CCSER1: variants seen among roughly 807,000 people sequenced by gnomAD.
CCSER1 encodes the protein coiled-coil serine rich protein 1.
CCSER1 carries 41 observed loss-of-function variants against 82.0 expected under a neutral mutation model. The observed-to-expected ratio is 0.50, with a 90% CI of 0.39 to 0.65. CCSER1 has a LOEUF of 0.65. Among genes scored for constraint, CCSER1 ranks in the 30% least tolerant of loss-of-function variants. The pLI is 0.00. For missense variants in CCSER1, 1,119 were observed against 1,064.2 expected (o/e 1.05, Z -0.72); for synonymous variants, 414 against 383.9 (o/e 1.08, Z -0.92).
At chr4:91,504,884 C>T (rs563927769) in intron 10 of CCSER1, among the ~76,000 whole-genome samples, 2 of 152,166 alleles carry the variant, frequency 1.3e-5, no homozygotes, top group South Asian at 4.1e-4. Context: ...TGATTTTTGA[C>T]ATTTATTTCC....
chr4:91,548,677 C>A (rs1762009200), intron 10 of CCSER1, among the ~76,000 whole-genome samples: 1 of 151,238 alleles, frequency 6.6e-6, no homozygotes, highest in South Asian at 2.1e-4. Flanking sequence ...ATATTCTATT[C>A]AACTCTCTTC....
At chr4:90,861,136 G>T (rs112212661) in intron 8 of CCSER1, among the ~76,000 whole-genome samples, 2,577 of 151,738 alleles carry the variant, frequency 0.017, 51 homozygotes, top group African/African-American at 0.054. Flanking sequence ...AATGCACAGG[G>T]ATATATTTTA....
chr4:90,351,254 G>A (rs183760953), intron 3 of CCSER1, among the ~76,000 whole-genome samples: 2 of 152,250 alleles, frequency 1.3e-5, no homozygotes, highest in East Asian at 3.9e-4. Flanking sequence ...GATAGTAAGG[G>A]TGACATTTCT....
chr4:90,731,157 AT>A (rs2149402898), intron 7 of CCSER1, among the ~76,000 whole-genome samples: 1 of 152,288 alleles, frequency 6.6e-6, no homozygotes, highest in East Asian at 1.9e-4. Flanking sequence ...GGTCAGCAGG[AT>A]TTGTTAATAT....
intron 10 of CCSER1, among the ~76,000 whole-genome samples, chr4:91,259,490 A>T (rs935604891): frequency 6.6e-6 from 1 of 152,072 alleles, no homozygotes; most frequent in African/African-American, 2.4e-5. Flanking sequence ...TGTGCAGAAC[A>T]TGCAGGTTTG....
At chr4:91,014,114 A>C (rs183617478) in intron 9 of CCSER1, among the ~76,000 whole-genome samples, 1 of 133,388 alleles carries the variant, frequency 7.5e-6, no homozygotes, top group Admixed American at 7.5e-5. Flanking sequence ...GATTTTTAGG[A>C]AAAATATTCT....
intron 10 of CCSER1, among the ~76,000 whole-genome samples, chr4:91,378,025 G>C (rs561165590): frequency 6.6e-6 from 1 of 152,202 alleles, no homozygotes; most frequent in African/African-American, 2.4e-5. Context: ...CCCATTTCTT[G>C]TTTTTGTCAG....
At chr4:91,020,440 A>G (rs1166255203) in intron 9 of CCSER1, among the ~76,000 whole-genome samples, 2 of 152,168 alleles carry the variant, frequency 1.3e-5, no homozygotes, top group Non-Finnish European at 2.9e-5. Context: ...AGGCGGGTGG[A>G]TCACGAGGTC....
At chr4:90,514,878 T>G (rs1304919813) in intron 5 of CCSER1, among the ~76,000 whole-genome samples, 1 of 152,020 alleles carries the variant, frequency 6.6e-6, no homozygotes, top group Non-Finnish European at 1.5e-5. Context: ...AATTACTTTT[T>G]TTTTTTTTGA....
chr4:91,343,444 A>G (rs1182608263), intron 10 of CCSER1, among the ~76,000 whole-genome samples: 1 of 152,116 alleles, frequency 6.6e-6, no homozygotes, highest in African/African-American at 2.4e-5. Flanking sequence ...GAAAATAAAC[A>G]CACTAGACAA....
At chr4:90,783,321 A>G (rs1754060950) in intron 7 of CCSER1, among the ~76,000 whole-genome samples, 2 of 152,194 alleles carry the variant, frequency 1.3e-5, no homozygotes, top group African/African-American at 4.8e-5. Context: ...GCTACTCCCA[A>G]ATCTAGAAAG....
chr4:91,145,270 A>C (rs986403221), intron 10 of CCSER1, among the ~76,000 whole-genome samples: 1 of 152,066 alleles, frequency 6.6e-6, no homozygotes, highest in Non-Finnish European at 1.5e-5. Flanking sequence ...TAATACATGA[A>C]TAGTGTTCCC....
intron 5 of CCSER1, among the ~76,000 whole-genome samples, chr4:90,488,105 C>G (rs1767401491): frequency 6.6e-6 from 1 of 152,202 alleles, no homozygotes; most frequent in East Asian, 1.9e-4. Flanking sequence ...GTTCCTGATT[C>G]ATCAATTGTG....
intron 5 of CCSER1, among the ~76,000 whole-genome samples, chr4:90,483,044 A>C (rs951687189): frequency 3.3e-4 from 50 of 152,254 alleles, no homozygotes; most frequent in African/African-American, 1.2e-3. Context: ...TGCTTTATGA[A>C]TCTGAGTGCT....
At chr4:91,241,612 C>A (rs993533272) in intron 10 of CCSER1, among the ~76,000 whole-genome samples, 2 of 152,120 alleles carry the variant, frequency 1.3e-5, no homozygotes, top group African/African-American at 4.8e-5. Flanking sequence ...AGACATGAGG[C>A]ACCGTGCCTG....
intron 10 of CCSER1, among the ~76,000 whole-genome samples, chr4:91,265,892 T>A (rs1741531701): frequency 6.6e-6 from 1 of 152,190 alleles, no homozygotes; most frequent in African/African-American, 2.4e-5. Flanking sequence ...GTAGGTTTAA[T>A]GGTCTCACAG....
chr4:90,918,634 G>GATATATATATATATATATATATAT (rs1363853552), intron 8 of CCSER1, among the ~76,000 whole-genome samples: 4 of 148,962 alleles, frequency 2.7e-5, no homozygotes, highest in East Asian at 4.0e-4. Context: ...GCTCATTCAA[G>GATATATATATATATATATATATAT]AGAGATATAT....
intron 5 of CCSER1, among the ~76,000 whole-genome samples, chr4:90,581,968 A>C (rs1373074485): frequency 6.6e-6 from 1 of 152,080 alleles, no homozygotes; most frequent in African/African-American, 2.4e-5. Flanking sequence ...ATATTATCAA[A>C]GGAGGACCAA....
rs182003149 is a variant in CCSER1, at chr4:90,789,885, G to A, written c.2011-25877G>A. Among the ~76,000 whole-genome samples, 38 of 151,870 alleles carry A rather than the reference G, an allele frequency of 2.5e-4. 1 individual carries two copies. In the East Asian group the frequency reaches 4.4e-3, roughly 18 times the overall value. ...ACTAATACACCTACTATATTTCTTC[G>A]GCTGGATTTTATAAGGAACATTTCA... On this transcript the variant is annotated intron_variant, in intron 7 of 10. Coordinates refer to ENST00000509176, the MANE Select transcript of CCSER1 (RefSeq NM_001145065.2).
Sources: gnomAD v4.1 joint callset for allele counts (sites outside exome capture counted in the v4.1 genomes callset) on GRCh38, gnomAD v4.1.1 for gene constraint, MANE v1.5 for transcripts, NCBI Gene and HGNC (gene_info 2026-07-23, HGNC 2026-07-21) for gene names.